The following CLEC19A variants were observed in gnomAD, a reference collection of about 807,000 sequenced individuals.
CLEC19A encodes the protein C-type lectin domain containing 19A.
A neutral mutation model predicts 26.1 loss-of-function variants in CLEC19A; 21 were observed. The ratio of observed to expected loss-of-function variants is 0.80; its 90% confidence interval spans 0.57 to 1.16. The LOEUF (loss-of-function observed/expected upper bound fraction) is 1.16, where lower values mean the gene tolerates loss of function less well. Ranked by LOEUF, CLEC19A falls within the 50% of genes most tolerant of loss-of-function variation. CLEC19A has a pLI of 0.00. For synonymous variants in CLEC19A, 89 were observed against 88.6 expected, an observed-to-expected ratio of 1.00 and a Z score of -0.03; for missense variants, 224 against 227.6, an observed-to-expected ratio of 0.98 and a Z score of 0.10.
intron 1 of CLEC19A, among the ~76,000 whole-genome samples, chr16:19,296,424 G>A (rs905988764): frequency 6.6e-6 from 1 of 152,146 alleles, no homozygotes; most frequent in Non-Finnish European, 1.5e-5. Context: ...AAAACCCTGA[G>A]CTAATCATTA....
chr16:19,297,154 C>T (rs1367916785), intron 1 of CLEC19A, among the ~76,000 whole-genome samples: 1 of 152,174 alleles, frequency 6.6e-6, no homozygotes, highest in Non-Finnish European at 1.5e-5. Context: ...CTGTCTCAAA[C>T]ATGGGGTTTT....
intron 2 of CLEC19A, among the ~76,000 whole-genome samples, chr16:19,299,171 A>T (rs980855065): frequency 4.6e-5 from 7 of 152,218 alleles, no homozygotes; most frequent in South Asian, 2.1e-4. Context: ...ATGCCAGAAG[A>T]TCCACCTTTA....
intron 1 of CLEC19A, among the ~76,000 whole-genome samples, chr16:19,294,329 G>A (rs963249227): frequency 1.3e-5 from 2 of 152,150 alleles, no homozygotes; most frequent in Non-Finnish European, 2.9e-5. Flanking sequence ...GGGGTGCCCA[G>A]GGGCCAGAAA....
chr16:19,298,924 C>A, intron 2 of CLEC19A, 86 bp downstream of exon 2: 1 of 1,369,176 alleles, frequency 7.3e-7, no homozygotes, highest in South Asian at 1.5e-5. Context: ...ACTGGCATTT[C>A]TCTTTGGTAA....
At chr16:19,298,893 G>A in intron 2 of CLEC19A, 55 bp downstream of exon 2, 1 of 1,472,516 alleles carries the variant, frequency 6.8e-7, no homozygotes, top group South Asian at 1.3e-5. Flanking sequence ...TTGGGAAATG[G>A]GGTGGAGAAT....
At chr16:19,301,735 G>GAT (rs750529291) in intron 2 of CLEC19A, among the ~76,000 whole-genome samples, 1 of 35,126 alleles carries the variant, frequency 2.8e-5, no homozygotes, top group Non-Finnish European at 5.1e-5. Flanking sequence ...AGGTTTTTTT[G>GAT]GTTTTTTTTT....
intron 3 of CLEC19A, among the ~76,000 whole-genome samples, chr16:19,306,106 G>C (rs1292081532): frequency 6.7e-6 from 1 of 149,700 alleles, no homozygotes; most frequent in East Asian, 2.0e-4. Flanking sequence ...GCCTCCCAAA[G>C]TTTTGGGATT....
rs1898044573 is a variant in CLEC19A at position 19,310,319 on chromosome 16, T to C, written c.*1236T>C. On this transcript the variant is annotated 3_prime_UTR_variant, in exon 5 of 5. Coordinates refer to ENST00000636231, the MANE Select transcript of CLEC19A (RefSeq NM_001256720.2). ...CCCCATCTCCATAAGAAAAATTTTT[T>C]AATTAGCCAAGCATGGTGATGCACA... 2 of 151,954 alleles carry C rather than the reference T, an allele frequency of 1.3e-5. No individual in the cohort carries two copies. Among genetic ancestry groups the C allele is most frequent in the Admixed American group, 6.6e-5 (1 of 15,250 alleles). The allele number at this position is 151,954 out of a possible 1,614,324, so 9.4% of individuals were successfully genotyped here.
At chr16:19,306,462 A>G (rs1897957315) in intron 3 of CLEC19A, among the ~76,000 whole-genome samples, 1 of 152,128 alleles carries the variant, frequency 6.6e-6, no homozygotes, top group Non-Finnish European at 1.5e-5. Flanking sequence ...TTAAATCAAT[A>G]GACTTCAACT....
At chr16:19,290,726 C>G (rs369835092) in intron 1 of CLEC19A, among the ~76,000 whole-genome samples, 2 of 152,252 alleles carry the variant, frequency 1.3e-5, no homozygotes, top group East Asian at 1.9e-4. Flanking sequence ...AAGGGGCAAA[C>G]AGCCAGTTTC....
intron 2 of CLEC19A, among the ~76,000 whole-genome samples, chr16:19,301,046 G>A (rs1326959580): frequency 6.6e-6 from 1 of 152,246 alleles, no homozygotes; most frequent in Non-Finnish European, 1.5e-5. Flanking sequence ...GCACAGCACA[G>A]TACAGGATTG....
chr16:19,298,919 C>A, intron 2 of CLEC19A, 81 bp downstream of exon 2: 1 of 1,380,028 alleles, frequency 7.2e-7, no homozygotes. Context: ...TTCCAACTGG[C>A]ATTTCTCTTT....
intron 3 of CLEC19A, chr16:19,304,396 TAAAAAA>T: frequency 5.1e-6 from 1 of 195,944 alleles, no homozygotes; most frequent in South Asian, 8.0e-5. Flanking sequence ...TGGGTTCTCT[TAAAAAA>T]AAAAAAAAAA....
intron 2 of CLEC19A, among the ~76,000 whole-genome samples, 181 bp downstream of exon 2, chr16:19,299,019 C>T (rs1038638247): frequency 3.9e-5 from 6 of 152,180 alleles, no homozygotes; most frequent in Admixed American, 2.6e-4. Context: ...GTGATTCTCC[C>T]CCTTAGACTC....
chr16:19,304,701 GA>G (rs200392261), intron 3 of CLEC19A, among the ~76,000 whole-genome samples: 61 of 147,158 alleles, frequency 4.1e-4, no homozygotes, highest in Non-Finnish European at 6.2e-4. Flanking sequence ...ACTCCAACTT[GA>G]AAAAAAAAAA....
intron 2 of CLEC19A, among the ~76,000 whole-genome samples, chr16:19,299,990 G>A (rs530659355): frequency 2.0e-5 from 3 of 152,172 alleles, no homozygotes; most frequent in Non-Finnish European, 4.4e-5. Flanking sequence ...TTGGGAGGCC[G>A]AGGCAGGCAG....
At chr16:19,298,248 A>C (rs2143009801) in intron 1 of CLEC19A, among the ~76,000 whole-genome samples, 1 of 151,014 alleles carries the variant, frequency 6.6e-6, no homozygotes, top group East Asian at 2.0e-4. Flanking sequence ...AATCTCAAAA[A>C]AAAAAAAAAA....
intron 1 of CLEC19A, among the ~76,000 whole-genome samples, chr16:19,298,388 A>AAAAAC (rs1214431696): frequency 6.6e-6 from 1 of 152,014 alleles, no homozygotes; most frequent in South Asian, 2.1e-4. Flanking sequence ...TCGTCTCTAC[A>AAAAAC]AAAACAAAAC....
intron 2 of CLEC19A, among the ~76,000 whole-genome samples, chr16:19,302,754 T>C (rs1295920655): frequency 6.6e-6 from 1 of 152,152 alleles, no homozygotes; most frequent in Non-Finnish European, 1.5e-5. Context: ...AAACAACCTG[T>C]TTCAGGCTCG....
Sources: allele counts gnomAD v4.1 joint callset (sites outside exome capture counted in the v4.1 genomes callset), GRCh38; gene constraint gnomAD v4.1.1; transcripts MANE v1.5; gene names NCBI Gene and HGNC (gene_info 2026-07-23, HGNC 2026-07-21).